RASGRP3: variants seen among roughly 807,000 people sequenced by gnomAD.
RASGRP3 encodes the protein RAS guanyl releasing protein 3.
Under a neutral mutation model 82.7 loss-of-function variants are expected in RASGRP3, and 54 were observed. The ratio of observed to expected loss-of-function variants is 0.65; its 90% CI spans 0.52 to 0.82. RASGRP3 has a LOEUF of 0.82. Ranked by LOEUF, RASGRP3 falls within the 40% of genes least tolerant of loss-of-function variation. RASGRP3 has a pLI of 0.00. For missense variants in RASGRP3, 861 were observed against 828.9 expected (o/e 1.04, Z -0.48); for synonymous variants, 309 against 300.5 (o/e 1.03, Z -0.29).
rs973702502 is a variant in RASGRP3 at position 33,545,968 on chromosome 2, AT to A, written c.1394+2351del. On this transcript the variant is annotated intron_variant, in intron 13 of 17. Coordinates refer to ENST00000403687, the MANE Select transcript of RASGRP3 (RefSeq NM_001139488.2). Reference sequence around the variant, plus strand: ...TAGGCATGCACCACCACGCCAGGCAATTTTTTTTTTCTTTTTTTTTCAGTAG... The same window carrying A: ...TAGGCATGCACCACCACGCCAGGCAATTTTTTTTTCTTTTTTTTTCAGTAG... Among the ~76,000 whole-genome samples, 168 of 148,410 alleles carry A rather than the reference AT, an allele frequency of 1.1e-3. 1 individual carries two copies. Among genetic ancestry groups the A allele is most frequent in the Non-Finnish European group, 1.9e-3 (127 of 66,872 alleles).
At position 33,517,435 on chromosome 2, in the gene RASGRP3, G is replaced by T. The variant is rs147257715; in HGVS notation, c.173+791G>T. 1.5e-3 allele frequency among the ~76,000 whole-genome samples: 234 copies of T among 152,302 alleles called. 4 individuals are homozygous for T. In the East Asian group the frequency reaches 0.036, roughly 24 times the overall value. On this transcript the variant is annotated intron_variant, in intron 4 of 17. Transcript: ENST00000403687. Reference sequence around the variant, plus strand: ...AGATGAGTGAGAACCCCTACAGGGAGGGGGAGCCTTAGAGAGAGAGGCACA... The same window carrying T: ...AGATGAGTGAGAACCCCTACAGGGATGGGGAGCCTTAGAGAGAGAGGCACA...
At chr2:33,561,358 C>T (rs553879593) in intron 17 of RASGRP3, among the ~76,000 whole-genome samples, 1 of 152,312 alleles carries the variant, frequency 6.6e-6, no homozygotes, top group Admixed American at 6.5e-5. Context: ...TAAGCCATCG[C>T]GCCCAGCTGT....
rs553411607 is a variant in RASGRP3 at position 33,514,475 on chromosome 2, C to T, written c.-127-535C>T. ...CTTGAACTCAGGAGTTTGAGACCAG[C>T]CTGGGCAACATGGTAAAACCCCATC... is the stretch of plus-strand genomic sequence containing the variant. On this transcript the variant is annotated intron_variant, in intron 2 of 17. Coordinates refer to ENST00000403687, the MANE Select transcript of RASGRP3 (RefSeq NM_001139488.2). Among the ~76,000 whole-genome samples the T allele has an allele frequency of 4.2e-4, 54 of 127,302 alleles. 1 individual carries two copies. In the South Asian group the frequency reaches 0.013, roughly 31 times the overall value. The allele number at this position is 127,302 out of a possible 152,430, so 83.5% of individuals were successfully genotyped here. A position where few individuals can be genotyped will look rare whatever the true frequency, so the allele number is the denominator to read the frequency against.
intron 4 of RASGRP3, among the ~76,000 whole-genome samples, chr2:33,519,683 A>G (rs1396651096): frequency 6.6e-6 from 1 of 152,204 alleles, no homozygotes; most frequent in African/African-American, 2.4e-5. Context: ...TACAGTTGGC[A>G]GTTATTGGTT....
chr2:33,552,578 C>T (rs1050184175), intron 14 of RASGRP3, among the ~76,000 whole-genome samples: 2 of 150,776 alleles, frequency 1.3e-5, no homozygotes, highest in African/African-American at 5.0e-5. Flanking sequence ...ATAACTATAG[C>T]TCTATAGATG....
At chr2:33,490,618 C>T (rs905905486) in intron 1 of RASGRP3, among the ~76,000 whole-genome samples, 3 of 152,216 alleles carry the variant, frequency 2.0e-5, no homozygotes, top group Non-Finnish European at 4.4e-5. Flanking sequence ...TCCTCCTCCC[C>T]TCTCTGACCT....
At chr2:33,550,382 A>C (rs1422303047) in intron 14 of RASGRP3, among the ~76,000 whole-genome samples, 1 of 152,184 alleles carries the variant, frequency 6.6e-6, no homozygotes, top group Non-Finnish European at 1.5e-5. Flanking sequence ...TTGCACAGCT[A>C]ATCATTACCA....
At chr2:33,524,328 C>A (rs2151029131) in intron 8 of RASGRP3, 104 bp from the exon 9 acceptor site, 1 of 794,296 alleles carries the variant, frequency 1.3e-6, no homozygotes, top group Non-Finnish European at 2.0e-6. Flanking sequence ...GTAATGTTTT[C>A]CTTAGCTTCT....
chr2:33,531,066 A>C (rs1430799213), intron 10 of RASGRP3: 1 of 152,228 alleles, frequency 6.6e-6, no homozygotes, highest in Non-Finnish European at 1.5e-5. Flanking sequence ...ATTTTTAAAA[A>C]AGAAGAAGAA....
At chr2:33,446,187 T>C (rs1402596870) in intron 1 of RASGRP3, among the ~76,000 whole-genome samples, 1 of 152,204 alleles carries the variant, frequency 6.6e-6, no homozygotes, top group Non-Finnish European at 1.5e-5. Context: ...AGACGGAGTC[T>C]CGCTCTGTCG....
intron 13 of RASGRP3, 51 bp from the exon 14 acceptor site, chr2:33,549,553 T>G: frequency 6.4e-7 from 1 of 1,554,330 alleles, no homozygotes; most frequent in Non-Finnish European, 8.7e-7. Flanking sequence ...TGGCAACTAC[T>G]TAGCAACCTG....
At chr2:33,558,113 G>A (rs1294065060) in intron 15 of RASGRP3, 98 bp from the exon 16 acceptor site, 9 of 1,449,936 alleles carry the variant, frequency 6.2e-6, no homozygotes, top group Non-Finnish European at 8.5e-6. Flanking sequence ...ACAGAAACTG[G>A]GGTGGGGGAG....
At chr2:33,541,594 G>GA (rs1165266182) in intron 12 of RASGRP3, among the ~76,000 whole-genome samples, 2 of 146,750 alleles carry the variant, frequency 1.4e-5, no homozygotes, top group African/African-American at 4.9e-5. Context: ...TCTGAGAGGT[G>GA]AAAAAAAGCT....
At chr2:33,447,652 T>C (rs1665576171) in intron 1 of RASGRP3, among the ~76,000 whole-genome samples, 1 of 152,136 alleles carries the variant, frequency 6.6e-6, no homozygotes, top group Non-Finnish European at 1.5e-5. Context: ...CTTGAACTCC[T>C]GATATCAAGT....
chr2:33,534,528 T>C, intron 11 of RASGRP3, 128 bp downstream of exon 11: 1 of 690,132 alleles, frequency 1.4e-6, no homozygotes, highest in Non-Finnish European at 2.4e-6. Context: ...TTATTCTTTC[T>C]TTTTCTTTTT....
intron 1 of RASGRP3, among the ~76,000 whole-genome samples, chr2:33,436,833 C>T (rs1036695647): frequency 6.6e-6 from 1 of 152,102 alleles, no homozygotes; most frequent in Non-Finnish European, 1.5e-5. Context: ...TCTTCAGTTT[C>T]ATTATTATCA....
At chr2:33,532,647 C>A (rs923220255) in intron 10 of RASGRP3, 1 of 152,058 alleles carries the variant, frequency 6.6e-6, no homozygotes, top group South Asian at 2.1e-4. Context: ...AAGGTGAATA[C>A]GATGTCTCTT....
chr2:33,504,165 T>G (rs1670136821), intron 1 of RASGRP3, among the ~76,000 whole-genome samples: 1 of 152,222 alleles, frequency 6.6e-6, no homozygotes, highest in Non-Finnish European at 1.5e-5. Context: ...TGTTCAGATA[T>G]TTCCAACCAC....
intron 1 of RASGRP3, among the ~76,000 whole-genome samples, chr2:33,485,154 C>T (rs548259327): frequency 4.6e-5 from 7 of 152,272 alleles, no homozygotes; most frequent in African/African-American, 1.4e-4. Flanking sequence ...GCCTAGATTG[C>T]GCCATTGCAC....
Sources: allele counts gnomAD v4.1 joint callset (sites outside exome capture counted in the v4.1 genomes callset), GRCh38; gene constraint gnomAD v4.1.1; transcripts MANE v1.5; gene names NCBI Gene and HGNC (gene_info 2026-07-23, HGNC 2026-07-21).